The following RORA variants were observed in gnomAD, a reference collection of about 807,000 sequenced individuals.
RORA encodes RAR related orphan receptor A.
In RORA, 7 loss-of-function variants were observed where a neutral mutation model predicts 69.5. That is an observed-to-expected ratio of 0.10 (90% confidence interval 0.06 to 0.19). The LOEUF is 0.19. Among genes scored for constraint, RORA ranks in the 10% least tolerant of loss-of-function variants. The probability of loss-of-function intolerance (pLI) is 1.00; values close to 1 mark genes in which losing one functional copy is unlikely to be tolerated. For missense variants in RORA, 457 were observed against 663.0 expected, an observed-to-expected ratio of 0.69 and a Z score of 3.41; for synonymous variants, 261 against 240.8, an observed-to-expected ratio of 1.08 and a Z score of -0.78.
intron 1 of RORA, among the ~76,000 whole-genome samples, chr15:61,007,611 A>T (rs1010865481): frequency 2.6e-5 from 4 of 151,638 alleles, no homozygotes; most frequent in Non-Finnish European, 5.9e-5. Flanking sequence ...CATAGGATTT[A>T]AAAAATTTAT....
intron 2 of RORA, among the ~76,000 whole-genome samples, chr15:60,644,165 T>C (rs2069995047): frequency 1.3e-5 from 2 of 152,154 alleles, no homozygotes; most frequent in South Asian, 4.1e-4. Context: ...ACAGGCAGCA[T>C]GAGGGAGAGG....
chr15:60,816,144 A>T, intron 1 of RORA, among the ~76,000 whole-genome samples: 1 of 115,116 alleles, frequency 8.7e-6, no homozygotes, highest in Non-Finnish European at 1.7e-5. Flanking sequence ...ATATACTGTA[A>T]ACAGTATATG....
chr15:60,765,078 A>T (rs927786931), intron 1 of RORA: 2 of 152,028 alleles, frequency 1.3e-5, no homozygotes, highest in African/African-American at 4.8e-5. Flanking sequence ...AAGTAGTGGG[A>T]ATCTGAAATG....
chr15:61,002,545 A>G (rs938450137), intron 1 of RORA, among the ~76,000 whole-genome samples: 1 of 152,186 alleles, frequency 6.6e-6, no homozygotes, highest in African/African-American at 2.4e-5. Flanking sequence ...AAAATATTAA[A>G]GGGATTGTAT....
chr15:61,042,157 C>T (rs1896805742), intron 1 of RORA, among the ~76,000 whole-genome samples: 1 of 152,178 alleles, frequency 6.6e-6, no homozygotes, highest in African/African-American at 2.4e-5. Flanking sequence ...ACAAAAAAGG[C>T]ATACCTCAAC....
At chr15:60,679,507 T>C (rs1047157846) in intron 1 of RORA, among the ~76,000 whole-genome samples, 1 of 152,238 alleles carries the variant, frequency 6.6e-6, no homozygotes, top group East Asian at 1.9e-4. Context: ...TTATGCTGCA[T>C]TCTTCTTGGG....
At chr15:60,504,889 G>A (rs935729113) in intron 6 of RORA, among the ~76,000 whole-genome samples, 1 of 152,170 alleles carries the variant, frequency 6.6e-6, no homozygotes, top group African/African-American at 2.4e-5. Flanking sequence ...TAGGAGCCAG[G>A]AGTCAAGGTC....
intron 1 of RORA, among the ~76,000 whole-genome samples, chr15:61,167,482 ATTTTTTTTTTTTTTTTTTTTTTTTTT>A (rs199752865): frequency 4.0e-4 from 54 of 133,664 alleles, no homozygotes; most frequent in Middle Eastern, 3.7e-3. Flanking sequence ...TTTGACCAGG[ATTTTTTTTTTTTTTTTTTTTTTTTTT>A]TTTTTTTTTT....
rs536980267 is a variant in RORA at position 60,849,603 on chromosome 15, CT to C, written c.167-170918del. Among the ~76,000 whole-genome samples, 16 of 152,192 alleles carry C rather than the reference CT, an allele frequency of 1.1e-4. No individual in the cohort carries two copies. In the East Asian group the frequency reaches 3.1e-3, roughly 29 times the overall value. On this transcript the variant is annotated intron_variant, in intron 1 of 10. Coordinates refer to ENST00000335670, the MANE Select transcript of RORA (RefSeq NM_134261.3). Reference sequence around the variant, plus strand: ...TGTTGGGGCCAAACGAGTGGTGGGGCTTTAGGTATGAGCAGTGATGTGCTGA... The same window carrying C: ...TGTTGGGGCCAAACGAGTGGTGGGGCTTAGGTATGAGCAGTGATGTGCTGA...
chr15:61,197,174 C>T (rs2079852694), intron 1 of RORA, among the ~76,000 whole-genome samples: 1 of 152,226 alleles, frequency 6.6e-6, no homozygotes, highest in South Asian at 2.1e-4. Context: ...CTGACAAGAG[C>T]ATGGTTGTTC....
intron 1 of RORA, among the ~76,000 whole-genome samples, chr15:61,095,657 A>G (rs1031412860): frequency 7.2e-5 from 11 of 152,242 alleles, no homozygotes; most frequent in Non-Finnish European, 1.6e-4. Context: ...TTTAAAAAGC[A>G]GCAGAACCCT....
At chr15:60,901,747 A>T (rs1891399531) in intron 1 of RORA, among the ~76,000 whole-genome samples, 1 of 152,138 alleles carries the variant, frequency 6.6e-6, no homozygotes, top group Admixed American at 6.5e-5. Flanking sequence ...GGATGCCCTC[A>T]CCCTTGTTTC....
At chr15:61,137,703 G>C (rs2079258775) in intron 1 of RORA, among the ~76,000 whole-genome samples, 1 of 152,196 alleles carries the variant, frequency 6.6e-6, no homozygotes, top group South Asian at 2.1e-4. Flanking sequence ...GCTTAGATGA[G>C]TGCCACTCTT....
chr15:61,177,917 GCAC>G (rs2079645840), intron 1 of RORA, among the ~76,000 whole-genome samples: 2 of 150,958 alleles, frequency 1.3e-5, no homozygotes, highest in South Asian at 4.2e-4. Flanking sequence ...AGCCGAGATT[GCAC>G]CACTGCACTC....
intron 1 of RORA, among the ~76,000 whole-genome samples, chr15:60,954,765 C>G (rs1317175951): frequency 6.6e-6 from 1 of 152,170 alleles, no homozygotes; most frequent in Non-Finnish European, 1.5e-5. Context: ...ATTCCCTAGA[C>G]TCCAAGACCA....
intron 1 of RORA, among the ~76,000 whole-genome samples, chr15:60,772,122 T>C (rs945281982): frequency 2.0e-5 from 3 of 152,152 alleles, no homozygotes; most frequent in African/African-American, 7.2e-5. Context: ...GTTTGACACA[T>C]AGGTATACAT....
chr15:61,125,034 G>C (rs1000816821), intron 1 of RORA, among the ~76,000 whole-genome samples: 15 of 152,126 alleles, frequency 9.9e-5, no homozygotes, highest in Admixed American at 5.9e-4. Flanking sequence ...GGATCAATTG[G>C]ATTTTTTCAA....
At chr15:60,580,637 C>T (rs1380442344) in intron 2 of RORA, among the ~76,000 whole-genome samples, 4 of 152,194 alleles carry the variant, frequency 2.6e-5, no homozygotes, top group Admixed American at 1.3e-4. Flanking sequence ...TTTTATATTC[C>T]TGGTCATTTA....
intron 1 of RORA, among the ~76,000 whole-genome samples, chr15:60,970,123 C>G (rs772864725): frequency 6.6e-6 from 1 of 152,220 alleles, no homozygotes; most frequent in Non-Finnish European, 1.5e-5. Context: ...ACCTACCTTG[C>G]TAGCACCTTG....
Sources: allele counts gnomAD v4.1 joint callset (sites outside exome capture counted in the v4.1 genomes callset), GRCh38; gene constraint gnomAD v4.1.1; transcripts MANE v1.5; gene names NCBI Gene and HGNC (gene_info 2026-07-23, HGNC 2026-07-21).